The following DYNC1I2 variants were observed in gnomAD, a reference collection of about 807,000 sequenced individuals.
DYNC1I2 encodes cytoplasmic dynein 1 intermediate chain 2.
In DYNC1I2, 53 loss-of-function variants were observed where a neutral mutation model predicts 88.6. That is an observed-to-expected ratio of 0.60 (90% CI 0.48 to 0.75). The LOEUF (loss-of-function observed/expected upper bound fraction) is 0.75. Ranked by LOEUF, DYNC1I2 falls within the 30% of genes least tolerant of loss-of-function variation. The probability of loss-of-function intolerance (pLI) is 0.00; values close to 1 mark genes in which losing one functional copy is unlikely to be tolerated. For missense variants in DYNC1I2, 458 were observed against 766.6 expected, an observed-to-expected ratio of 0.60 and a Z score of 4.75; for synonymous variants, 198 against 254.6, an observed-to-expected ratio of 0.78 and a Z score of 2.12.
intron 16 of DYNC1I2, 84 bp from the exon 17 acceptor site, chr2:171,745,718 C>A: frequency 7.1e-7 from 1 of 1,402,658 alleles, no homozygotes; most frequent in Non-Finnish European, 9.6e-7. Flanking sequence ...ATGTAGCCAG[C>A]TTGAGAGAAG....
Position 171,712,828 on chromosome 2 carries a change from T to C in DYNC1I2, c.395+2T>C. ...GCTTCACTCAGATTCCGATTTGGGG[T>C]ATTGAATAGATTTTTTACCTTCCCT... On this transcript the variant is annotated splice_donor_variant, in intron 6 of 17. Coordinates refer to ENST00000397119, the MANE Select transcript of DYNC1I2 (RefSeq NM_001378.3). LOFTEE classifies it high-confidence loss of function. 6.2e-7 allele frequency: 1 copy of C among 1,612,040 alleles called. No homozygotes were observed. Among genetic ancestry groups the C allele is most frequent in the Non-Finnish European group, 8.5e-7 (1 of 1,178,444 alleles).
intron 10 of DYNC1I2, 83 bp downstream of exon 10, chr2:171,726,376 T>A (rs987646770): frequency 6.3e-6 from 6 of 955,924 alleles, no homozygotes; most frequent in Non-Finnish European, 9.3e-6. Context: ...TATGGGAATT[T>A]TGTATAATAA....
rs1354435846 is a variant in DYNC1I2 at position 171,749,423 on chromosome 2, AG to A, written c.*1535del. Among the ~76,000 whole-genome samples the A allele has an allele frequency of 6.6e-6, 1 of 152,124 alleles. No homozygotes were observed. The highest frequency in any genetic ancestry group is 1.5e-5 in the Non-Finnish European group (1 of 67,980). On this transcript the variant is annotated 3_prime_UTR_variant, in exon 18 of 18. Coordinates refer to ENST00000397119, the MANE Select transcript of DYNC1I2 (RefSeq NM_001378.3). Reference sequence around the variant, plus strand: ...CCCATAATTGCCCATTATATACCAAAGACAATATCTCAAGTTATCTCATTGT... The same window carrying A: ...CCCATAATTGCCCATTATATACCAAAACAATATCTCAAGTTATCTCATTGT...
At chr2:171,707,609 C>A (rs1476097954) in intron 5 of DYNC1I2, among the ~76,000 whole-genome samples, 1 of 151,734 alleles carries the variant, frequency 6.6e-6, no homozygotes, top group East Asian at 1.9e-4. Context: ...AAATAGTCAA[C>A]CGGTTTTATG....
Position 171,694,971 on chromosome 2 carries a change from AT to A in DYNC1I2, c.226+2079del, listed in dbSNP as rs370250788. Among the ~76,000 whole-genome samples the A allele has an allele frequency of 4.1e-3, 626 of 152,330 alleles. 2 individuals carry two copies. The highest frequency in any genetic ancestry group is 6.7e-3 in the Non-Finnish European group (457 of 68,020). On this transcript the variant is annotated intron_variant, in intron 3 of 17. Coordinates refer to ENST00000397119, the MANE Select transcript of DYNC1I2 (RefSeq NM_001378.3). ...ACTGTATCAATGGCCCATCTCCATCATTAATTCTTGAAAGACCATTCTTTAG... is the reference window on the plus strand; with the variant it reads ...ACTGTATCAATGGCCCATCTCCATCATAATTCTTGAAAGACCATTCTTTAG...
intron 16 of DYNC1I2, among the ~76,000 whole-genome samples, 180 bp downstream of exon 16, chr2:171,744,369 A>T (rs1169730153): frequency 1.3e-5 from 2 of 152,216 alleles, no homozygotes; most frequent in Non-Finnish European, 1.5e-5. Flanking sequence ...CGAAGAACTA[A>T]AGGGAGAAAT....
Position 171,725,594 on chromosome 2 carries a change from GTTTGT to G in DYNC1I2, c.512-20_512-16del. The G allele has an allele frequency of 1.7e-6, 2 of 1,175,312 alleles. No homozygotes were observed. Among genetic ancestry groups the G allele is most frequent in the Non-Finnish European group, 1.1e-6 (1 of 888,934 alleles). 72.8% of individuals were successfully genotyped at this position (1,175,312 alleles called of 1,614,324 possible). On this transcript the variant is annotated intron_variant, in intron 7 of 17. Transcript: ENST00000397119. Reference sequence around the variant, plus strand: ...TATCATTCTGTTTTTTTGTTTTTTTGTTTGTTTTTTTTTTTTTTTTCAGATGAAGA... The same window carrying G: ...TATCATTCTGTTTTTTTGTTTTTTTGTTTTTTTTTTTTTTTCAGATGAAGA...
At chr2:171,700,648 T>C (rs1032035074) in intron 3 of DYNC1I2, among the ~76,000 whole-genome samples, 1 of 143,232 alleles carries the variant, frequency 7.0e-6, no homozygotes, top group African/African-American at 2.9e-5. Flanking sequence ...TTTTGTTTTT[T>C]TGAGACAGAG....
chr2:171,707,573 CTG>C (rs759025851), intron 5 of DYNC1I2, among the ~76,000 whole-genome samples, 196 bp downstream of exon 5: 5 of 151,976 alleles, frequency 3.3e-5, no homozygotes, highest in Non-Finnish European at 7.4e-5. Context: ...AATATTTTAA[CTG>C]TCACATTTAA....
chr2:171,726,279 G>A lies in DYNC1I2; in HGVS notation c.856G>A (p.Asp286Asn). The A allele has an allele frequency of 6.2e-7, 1 of 1,610,340 alleles. No individual in the cohort carries two copies. The highest frequency in any genetic ancestry group is 8.5e-7 in the Non-Finnish European group (1 of 1,178,896). Residue 286 changes from aspartate to asparagine, a missense_variant, in exon 10 of 18, where the codon GAT becomes AAT. Physicochemically the swap from Asp to Asn is conservative, Grantham distance 23. Transcript: ENST00000397119. ...WSKHRVVSCL[D>N]WSSQYPELLV... ...AAAGCATCGGGTGGTTAGTTGTTTG[G>A]ATTGGTCATCTCAGGTAAAATATAA... is the stretch of plus-strand genomic sequence containing the variant.
intron 7 of DYNC1I2, 73 bp downstream of exon 7, chr2:171,715,516 T>G (rs1687428664): frequency 9.6e-7 from 1 of 1,043,164 alleles, no homozygotes; most frequent in Non-Finnish European, 1.4e-6. Flanking sequence ...TTTCTTCCTT[T>G]GATTTTTGTT....
At chr2:171,708,622 T>G (rs1020355017) in intron 5 of DYNC1I2, among the ~76,000 whole-genome samples, 1 of 152,176 alleles carries the variant, frequency 6.6e-6, no homozygotes, top group Admixed American at 6.5e-5. Context: ...TAGTGTAAAT[T>G]CATTTTTATA....
chr2:171,726,279 G>T lies in DYNC1I2; in HGVS notation c.856G>T (p.Asp286Tyr). 6.2e-7 allele frequency: 1 copy of T among 1,610,340 alleles called. No individual in the cohort carries two copies. Among genetic ancestry groups the T allele is most frequent in the East Asian group, 2.2e-5 (1 of 44,780 alleles). The change falls in exon 10 of 18, where the codon GAT (aspartate) becomes TAT (tyrosine). Residue 286 changes from aspartate to tyrosine, a missense_variant. By Grantham distance (160) the Asp-to-Tyr change is radical (BLOSUM62 -3). Coordinates refer to ENST00000397119, the MANE Select transcript of DYNC1I2 (RefSeq NM_001378.3). ...AAAGCATCGGGTGGTTAGTTGTTTG[G>T]ATTGGTCATCTCAGGTAAAATATAA... Reference protein sequence around the residue: ...WSKHRVVSCLDWSSQYPELLV... With the variant: ...WSKHRVVSCLYWSSQYPELLV...
chr2:171,704,087 T>G (rs1686482438), intron 3 of DYNC1I2, among the ~76,000 whole-genome samples: 1 of 152,222 alleles, frequency 6.6e-6, no homozygotes, highest in Non-Finnish European at 1.5e-5. Flanking sequence ...TGTGTAGTTC[T>G]GAGTGGTTGA....
At chr2:171,703,399 C>G (rs1367342513) in intron 3 of DYNC1I2, among the ~76,000 whole-genome samples, 5 of 142,950 alleles carry the variant, frequency 3.5e-5, no homozygotes, top group Admixed American at 3.5e-4. Context: ...CCATGCCCAG[C>G]TGATTTTTTG....
intron 7 of DYNC1I2, among the ~76,000 whole-genome samples, chr2:171,724,435 T>C (rs1688104217): frequency 6.6e-6 from 1 of 152,168 alleles, no homozygotes; most frequent in African/African-American, 2.4e-5. Flanking sequence ...TTGGAAGCAG[T>C]GAAGCGGAAG....
intron 3 of DYNC1I2, 95 bp from the exon 4 acceptor site, chr2:171,706,452 G>A: frequency 9.9e-7 from 1 of 1,009,474 alleles, no homozygotes; most frequent in Non-Finnish European, 1.5e-6. Flanking sequence ...GAAAGCACTT[G>A]CTGTTTATTT....
intron 15 of DYNC1I2, among the ~76,000 whole-genome samples, chr2:171,735,938 A>G (rs1368367576): frequency 6.6e-6 from 1 of 152,194 alleles, no homozygotes; most frequent in African/African-American, 2.4e-5. Flanking sequence ...CGAAGTTAAG[A>G]TTGTTAATGT....
At chr2:171,707,686 G>C (rs1051666190) in intron 5 of DYNC1I2, among the ~76,000 whole-genome samples, 3 of 151,862 alleles carry the variant, frequency 2.0e-5, no homozygotes, top group South Asian at 4.2e-4. Context: ...ACTTTTTGTT[G>C]GTTATTACGT....
Sources: gnomAD v4.1 joint callset for allele counts (sites outside exome capture counted in the v4.1 genomes callset) on GRCh38, gnomAD v4.1.1 for gene constraint, MANE v1.5 for transcripts, NCBI Gene and HGNC (gene_info 2026-07-23, HGNC 2026-07-21) for gene names.